The following CD3G variants were observed in gnomAD, a reference collection of about 807,000 sequenced individuals.
CD3G encodes CD3 gamma subunit of T-cell receptor complex, also known as T-cell surface glycoprotein CD3 gamma chain.
A neutral mutation model predicts 28.3 loss-of-function variants in CD3G; 24 were observed. The observed-to-expected ratio is 0.85, with a 90% CI of 0.61 to 1.19. The LOEUF (loss-of-function observed/expected upper bound fraction) is 1.19. CD3G is among the 50% of genes most tolerant of loss of function. The pLI is 0.00. For synonymous variants in CD3G, 71 were observed against 75.9 expected, an observed-to-expected ratio of 0.93 and a Z score of 0.34; for missense variants, 211 against 210.0, an observed-to-expected ratio of 1.00 and a Z score of -0.03.
chr11:118,349,039 AGTCAATCAAAGGTAG>A lies in CD3G; in HGVS notation c.70_79+5del, dbSNP rs1440888766. ...TCTGTCTTTACAGGTACTTTGGCCC[AGTCAATCAAAGGTAG>A]GAGAAATGGCTTCTTTCTATACTCA... On this transcript the variant is annotated splice_donor_variant and splice_donor_region_variant and coding_sequence_variant and intron_variant, in exon 2 of 7. Transcript: ENST00000532917. LOFTEE classifies it high-confidence loss of function. 4 of 1,614,064 alleles carry A rather than the reference AGTCAATCAAAGGTAG, an allele frequency of 2.5e-6. No homozygotes were observed. In the Admixed American group the frequency reaches 6.7e-5, roughly 27 times the overall value.
At position 118,350,559 on chromosome 11, in the gene CD3G, G is replaced by A; in HGVS notation, c.315G>A (p.Gln105=). Residue 105 remains glutamine (Q), a synonymous_variant, in exon 4 of 7, where the codon CAG becomes CAA. Transcript: ENST00000532917. ...CTCTCCTTTTCCCTACAGTGTGTCA[G>A]AACTGCATTGAACTAAATGCAGCCA... is the stretch of plus-strand genomic sequence containing the variant. ...KPLQVYYRMC[Q]NCIELNAATI... 2 of 1,612,496 alleles carry A rather than the reference G, an allele frequency of 1.2e-6. No individual in the cohort carries two copies. The highest frequency in any genetic ancestry group is 1.3e-5 in the African/African-American group (1 of 75,002).
intron 3 of CD3G, chr11:118,350,230 A>G (rs557421410): frequency 2.0e-4 from 113 of 573,316 alleles, no homozygotes; most frequent in Admixed American, 6.3e-4. Flanking sequence ...GAGTTGAATG[A>G]AGGGGTTGGG....
At chr11:118,346,370 G>A (rs573648499) in intron 1 of CD3G, among the ~76,000 whole-genome samples, 138 of 152,212 alleles carry the variant, frequency 9.1e-4, no homozygotes, top group Middle Eastern at 3.4e-3. Context: ...CCAGGAGATG[G>A]AGGTTGCAGT....
At chr11:118,351,698 A>G (rs754019368) in intron 5 of CD3G, 27 bp downstream of exon 5, 1 of 1,608,798 alleles carries the variant, frequency 6.2e-7, no homozygotes. Context: ...TAAAAGAGAC[A>G]TTGCTGTAAT....
intron 1 of CD3G, among the ~76,000 whole-genome samples, chr11:118,346,906 T>C (rs1233810322): frequency 6.6e-6 from 1 of 151,884 alleles, no homozygotes; most frequent in Non-Finnish European, 1.5e-5. Flanking sequence ...CTCTGTCTTC[T>C]CTCGGTCTTC....
Position 118,344,624 on chromosome 11 carries a change from T to G in CD3G, c.55+146T>G, listed in dbSNP as rs532696890. ...TCAAAGAAGGGCAAAATGGAGGCTC[T>G]TAACTGTTCTCTGCTAGAGAGAAAC... On this transcript the variant is annotated intron_variant, in intron 1 of 6. Coordinates refer to ENST00000532917, the MANE Select transcript of CD3G (RefSeq NM_000073.3). 2.5e-4 allele frequency: 183 copies of G among 719,848 alleles called. 2 individuals carry two copies. In the South Asian group the frequency reaches 2.6e-3, roughly 10 times the overall value. 44.6% of individuals were successfully genotyped at this position (719,848 alleles called of 1,614,324 possible).
intron 1 of CD3G, among the ~76,000 whole-genome samples, chr11:118,346,042 T>C (rs1266118873): frequency 1.3e-5 from 2 of 152,196 alleles, no homozygotes; most frequent in African/African-American, 4.8e-5. Context: ...AGTTCAGCAG[T>C]AGAAAACCTG....
chr11:118,344,901 A>G (rs769286163), intron 1 of CD3G, among the ~76,000 whole-genome samples: 2 of 152,254 alleles, frequency 1.3e-5, no homozygotes, highest in Non-Finnish European at 2.9e-5. Context: ...TGAGACCCTA[A>G]TATGTGATAT....
chr11:118,349,586 C>A, intron 2 of CD3G, 157 bp from the exon 3 acceptor site: 1 of 716,528 alleles, frequency 1.4e-6, no homozygotes, highest in Admixed American at 2.2e-5. Context: ...CTCCCCAGAA[C>A]TACTAAATAG....
intron 2 of CD3G, 69 bp downstream of exon 2, chr11:118,349,119 T>TAGGA (rs1483259447): frequency 1.2e-6 from 2 of 1,613,852 alleles, no homozygotes; most frequent in Non-Finnish European, 1.7e-6. Context: ...CCTACAACAG[T>TAGGA]AGTCCTACAG....
intron 4 of CD3G, among the ~76,000 whole-genome samples, chr11:118,351,384 G>A (rs1223031394): frequency 6.6e-6 from 1 of 152,078 alleles, no homozygotes; most frequent in Non-Finnish European, 1.5e-5. Context: ...CCTCAAGAGT[G>A]AGCATTGTCC....
chr11:118,349,394 A>C, intron 2 of CD3G: 1 of 886,418 alleles, frequency 1.1e-6, no homozygotes, highest in Non-Finnish European at 1.6e-6. Context: ...ATTCTACCCA[A>C]AGTGATCTCA....
At chr11:118,351,809 G>A (rs756706026) in intron 5 of CD3G, 138 bp downstream of exon 5, 50 of 777,748 alleles carry the variant, frequency 6.4e-5, no homozygotes, top group Non-Finnish European at 9.5e-5. Flanking sequence ...ATCAGTTTGG[G>A]TAGAATAAAT....
chr11:118,350,176 GT>G, intron 3 of CD3G: 1 of 603,306 alleles, frequency 1.7e-6, no homozygotes, highest in Non-Finnish European at 2.9e-6. Flanking sequence ...GTAAAATTTT[GT>G]TTACCTTTGG....
At chr11:118,349,654 A>G in intron 2 of CD3G, 89 bp from the exon 3 acceptor site, 1 of 1,006,008 alleles carries the variant, frequency 9.9e-7, no homozygotes, top group Non-Finnish European at 1.6e-6. Flanking sequence ...AGTTTGAGAA[A>G]CACTACTCTA....
chr11:118,352,553 A>G, intron 6 of CD3G, 66 bp downstream of exon 6: 3 of 1,070,392 alleles, frequency 2.8e-6, no homozygotes, highest in Non-Finnish European at 4.3e-6. Context: ...ATTGCTTCTA[A>G]GTCTAGCTCC....
Position 118,353,945 on chromosome 11 carries a change from T to C in CD3G, c.*845T>C, listed in dbSNP as rs1245697096. 6.6e-6 allele frequency: 1 copy of C among 152,226 alleles called. No individual in the cohort carries two copies. The highest frequency in any genetic ancestry group is 1.5e-5 in the Non-Finnish European group (1 of 68,036). 9.4% of individuals were successfully genotyped at this position (152,226 alleles called of 1,614,324 possible). ...CTTTTAGACAAATGATATCAAACTA[T>C]ACATCTTGTGAGATTATTGCATACC... On this transcript the variant is annotated 3_prime_UTR_variant, in exon 7 of 7. Transcript: ENST00000532917.
rs1171246413 is a variant in CD3G at position 118,353,752 on chromosome 11, A to G, written c.*652A>G. 6.6e-6 allele frequency: 1 copy of G among 151,858 alleles called. No homozygotes were observed. Among genetic ancestry groups the G allele is most frequent in the East Asian group, 1.9e-4 (1 of 5,186 alleles). The allele number at this position is 151,858 out of a possible 1,614,324, so 9.4% of individuals were successfully genotyped here. ...TGCTCTGTTGGCCAAGCTGGTCTCG[A>G]ACTCCTGACCTCAAGTGATCCGCCC... On this transcript the variant is annotated 3_prime_UTR_variant, in exon 7 of 7. Coordinates refer to ENST00000532917, the MANE Select transcript of CD3G (RefSeq NM_000073.3).
rs1174350855 is a variant in CD3G, at chr11:118,349,812, C to G, written c.149C>G (p.Ala50Gly). The stretch of plus-strand genomic sequence containing the variant: ...GTACTTCTGACTTGTGATGCAGAAG[C>G]CAAAAATATCACATGGTTTAAAGAT... ...GSVLLTCDAEAKNITWFKDGK... is the reference protein window; with the variant it reads ...GSVLLTCDAEGKNITWFKDGK... Residue 50 changes from alanine to glycine, a missense_variant, in exon 3 of 7, where the codon GCC becomes GGC. Transcript: ENST00000532917. 2 of 1,613,820 alleles carry G rather than the reference C, an allele frequency of 1.2e-6. 1 individual carries two copies. The highest frequency in any genetic ancestry group is 4.5e-5 in the East Asian group (2 of 44,878).
Sources: gnomAD v4.1 joint callset for allele counts (sites outside exome capture counted in the v4.1 genomes callset) on GRCh38, gnomAD v4.1.1 for gene constraint, MANE v1.5 for transcripts, NCBI Gene and HGNC (gene_info 2026-07-23, HGNC 2026-07-21) for gene names.